COPE: variants seen among roughly 807,000 people sequenced by gnomAD.
COPE encodes the protein coat protein complex I subunit epsilon, also known as coatomer subunit epsilon.
In COPE, 19 loss-of-function variants were observed where a neutral mutation model predicts 42.1. The ratio of observed to expected loss-of-function variants is 0.45; its 90% CI spans 0.31 to 0.66. COPE has a LOEUF of 0.66. Ranked by LOEUF, COPE falls within the 30% of genes least tolerant of loss-of-function variation. The pLI, the probability that COPE is intolerant of heterozygous loss-of-function variation, is 0.05. For synonymous variants in COPE, 195 were observed against 181.3 expected, an observed-to-expected ratio of 1.08 and a Z score of -0.60; for missense variants, 402 against 416.1, an observed-to-expected ratio of 0.97 and a Z score of 0.30.
At chr19:18,912,487 G>A (rs183061028) in intron 2 of COPE, among the ~76,000 whole-genome samples, 17 of 151,812 alleles carry the variant, frequency 1.1e-4, no homozygotes, top group Admixed American at 4.6e-4. Context: ...GGCTGGGCGC[G>A]TTGGCTCACG....
rs189106078 is a variant in COPE at position 18,915,345 on chromosome 19, G to C, written c.127-2299C>G. On this transcript the variant is annotated intron_variant, in intron 1 of 9. Coordinates refer to ENST00000262812, the MANE Select transcript of COPE (RefSeq NM_007263.4). The stretch of plus-strand genomic sequence containing the variant: ...AATGCAGGTGCCCAGGAGACTGTGC[G>C]TGCGGAAGTGCTCAGAGGCTGCAGA... Among the ~76,000 whole-genome samples the C allele has an allele frequency of 4.3e-4, 65 of 152,348 alleles. 1 individual carries two copies. The Middle Eastern group carries it at 0.014, about 32-fold the overall frequency.
At chr19:18,913,989 C>T (rs1010673598) in intron 1 of COPE, among the ~76,000 whole-genome samples, 4 of 152,176 alleles carry the variant, frequency 2.6e-5, no homozygotes, top group Admixed American at 6.5e-5. Flanking sequence ...GGATGTCAAA[C>T]GTGTCCTCAT....
intron 1 of COPE, among the ~76,000 whole-genome samples, chr19:18,915,266 A>G: frequency 6.6e-6 from 1 of 152,140 alleles, no homozygotes; most frequent in East Asian, 1.9e-4. Flanking sequence ...CAAAGTGAGG[A>G]CACAGTGGGG....
rs770971962 is a variant in COPE, at chr19:18,911,102, C to G, written c.190-31G>C. The G allele has an allele frequency of 6.3e-6, 10 of 1,580,986 alleles. No individual in the cohort carries two copies. The African/African-American group carries it at 1.1e-4, about 17-fold the overall frequency. On this transcript the variant is annotated intron_variant, in intron 2 of 9. Transcript: ENST00000262812. ...GTAGGGACGAGGCGTCAGCTGCACCCGTCCACCCCAGAGGATTTCCATGTC... is the reference window on the plus strand; with the variant it reads ...GTAGGGACGAGGCGTCAGCTGCACCGGTCCACCCCAGAGGATTTCCATGTC...
chr19:18,899,708 G>C lies in COPE; in HGVS notation c.898C>G (p.Leu300Val), dbSNP rs758937805. 6.2e-7 allele frequency: 1 copy of C among 1,613,758 alleles called. No homozygotes were observed. Among genetic ancestry groups the C allele is most frequent in the Non-Finnish European group, 8.5e-7 (1 of 1,179,984 alleles). ...GCGCTGGGAGCGTACTGTAGCACCA[G>C]CCTGTCAAAGTCGTTCTCCTTTAGC... ...YQAKENDFDRLVLQYAPSA is the reference protein window; with the variant it reads ...YQAKENDFDRVVLQYAPSA Residue 300 changes from leucine to valine, a missense_variant, in exon 10 of 10, where the codon CTG (leucine) becomes GTG (valine). Physicochemically the swap from Leu to Val is conservative, Grantham distance 32 (BLOSUM62 1). Transcript: ENST00000262812.
chr19:18,903,398 T>C lies in COPE; in HGVS notation c.605A>G (p.Tyr202Cys), dbSNP rs2056727772. The change falls in exon 7 of 10, where the codon TAC (tyrosine) becomes TGC (cysteine). Residue 202 changes from tyrosine to cysteine, a missense_variant. Physicochemically the swap from Tyr to Cys is radical, Grantham distance 194 (BLOSUM62 -2). Transcript: ENST00000262812. ...ATGGEKLQDAYYIFQEMADKC... is the reference protein window; with the variant it reads ...ATGGEKLQDACYIFQEMADKC... Reference sequence around the variant, plus strand: ...GTCAGCCATCTCCTGGAAGATGTAGTAGGCATCCTGCAGCTTCTCACCACC... The same window carrying C: ...GTCAGCCATCTCCTGGAAGATGTAGCAGGCATCCTGCAGCTTCTCACCACC... The C allele has an allele frequency of 6.2e-7, 1 of 1,612,310 alleles. No individual in the cohort carries two copies. Among genetic ancestry groups the C allele is most frequent in the South Asian group, 1.1e-5 (1 of 90,860 alleles).
intron 3 of COPE, among the ~76,000 whole-genome samples, chr19:18,908,652 G>C (rs1292303500): frequency 6.6e-6 from 1 of 151,522 alleles, no homozygotes; most frequent in Non-Finnish European, 1.5e-5. Context: ...GAGTAGCTGG[G>C]ACTACAGGCA....
chr19:18,904,737 G>T, intron 6 of COPE, 34 bp downstream of exon 6: 1 of 1,540,770 alleles, frequency 6.5e-7, no homozygotes. Flanking sequence ...CCAGGTGCCC[G>T]CAATGCCCAC....
chr19:18,906,000 C>T (rs2056755948), intron 4 of COPE: 1 of 433,048 alleles, frequency 2.3e-6, no homozygotes, highest in Non-Finnish European at 4.1e-6. Context: ...CCTGCACCTG[C>T]ACCTGCAGCA....
chr19:18,912,066 C>T (rs189196854), intron 2 of COPE, among the ~76,000 whole-genome samples: 3 of 152,118 alleles, frequency 2.0e-5, no homozygotes, highest in Non-Finnish European at 4.4e-5. Context: ...AGGCTGGTCT[C>T]GAACTCCTGA....
intron 1 of COPE, among the ~76,000 whole-genome samples, chr19:18,917,501 T>C (rs2056864793): frequency 6.6e-6 from 1 of 152,024 alleles, no homozygotes; most frequent in Admixed American, 6.6e-5. Flanking sequence ...CCCAAGTAGC[T>C]GGGATTAAGG....
intron 6 of COPE, among the ~76,000 whole-genome samples, 174 bp from the exon 7 acceptor site, chr19:18,903,597 T>C (rs1405359669): frequency 1.3e-5 from 2 of 152,156 alleles, no homozygotes; most frequent in Non-Finnish European, 2.9e-5. Flanking sequence ...ACTCTGCTGA[T>C]GGGGCCTAAA....
chr19:18,899,881 G>C lies in COPE; in HGVS notation c.871C>G (p.Gln291Glu). Residue 291 changes from glutamine (Q) to glutamate (E), a missense_variant, in exon 9 of 10, where the codon CAG (glutamine) becomes GAG (glutamate). Gln to Glu is a conservative substitution (Grantham distance 29). Coordinates refer to ENST00000262812, the MANE Select transcript of COPE (RefSeq NM_007263.4). ...CCATCCCCACCACTCACCTTGGCCT[G>C]GTACTCCTTGATGAAGGGATGGGAC... The part of the protein sequence containing the change: ...HRSHPFIKEY[Q>E]AKENDFDRLV... 6.2e-7 allele frequency: 1 copy of C among 1,613,510 alleles called. No homozygotes were observed. The highest frequency in any genetic ancestry group is 8.5e-7 in the Non-Finnish European group (1 of 1,179,740).
At chr19:18,913,085 G>A in intron 1 of COPE, 39 bp from the exon 2 acceptor site, 1 of 1,551,274 alleles carries the variant, frequency 6.4e-7, no homozygotes, top group African/African-American at 1.3e-5. Context: ...ACAGTGGGAG[G>A]CCCAGCGCAG....
chr19:18,909,262 G>A (rs2056789005), intron 3 of COPE, among the ~76,000 whole-genome samples: 1 of 152,240 alleles, frequency 6.6e-6, no homozygotes, highest in Non-Finnish European at 1.5e-5. Context: ...CTGTCTCAAT[G>A]TCCTGGAGCT....
rs2056675782 is a variant in COPE, at chr19:18,899,615, G to A, written c.*64C>T. 3.2e-6 allele frequency: 5 copies of A among 1,583,336 alleles called. No homozygotes were observed. In the African/African-American group the frequency reaches 4.0e-5, roughly 13 times the overall value. ...GATGCAGGTGGATGCCGGGTGGGGA[G>A]GGCTGCAGGGCTGGCTCCTGGCCTC... On this transcript the variant is annotated 3_prime_UTR_variant, in exon 10 of 10. Coordinates refer to ENST00000262812, the MANE Select transcript of COPE (RefSeq NM_007263.4).
intron 2 of COPE, 80 bp from the exon 3 acceptor site, chr19:18,911,151 A>G: frequency 7.7e-7 from 1 of 1,303,974 alleles, no homozygotes; most frequent in Non-Finnish European, 1.1e-6. Flanking sequence ...GGAGAGCCCC[A>G]GACAGGAAGT....
At chr19:18,916,701 C>A (rs529945818) in intron 1 of COPE, among the ~76,000 whole-genome samples, 47 of 150,588 alleles carry the variant, frequency 3.1e-4, no homozygotes, top group Non-Finnish European at 4.6e-4. Context: ...GGCAGGAGAA[C>A]TGCTTGAACC....
rs1280624040 is a variant in COPE, at chr19:18,904,756, T to C, written c.579+15A>G. The C allele has an allele frequency of 6.4e-7, 1 of 1,550,842 alleles. No homozygotes were observed. The highest frequency in any genetic ancestry group is 1.7e-4 in the Middle Eastern group (1 of 5,982). ...GTGCCCGCAATGCCCACCCACCTCA[T>C]GGCCTAGGGCTCACCGTGGCCAGGC... On this transcript the variant is annotated intron_variant, in intron 6 of 9. Transcript: ENST00000262812.
Sources: gnomAD v4.1 joint callset for allele counts (sites outside exome capture counted in the v4.1 genomes callset) on GRCh38, gnomAD v4.1.1 for gene constraint, MANE v1.5 for transcripts, NCBI Gene and HGNC (gene_info 2026-07-23, HGNC 2026-07-21) for gene names.